LRRTM3: variants seen among roughly 807,000 people sequenced by gnomAD.
The protein encoded by LRRTM3 is leucine rich repeat transmembrane neuronal 3.
Under a neutral mutation model 44.7 loss-of-function variants are expected in LRRTM3, and 24 were observed. The ratio of observed to expected loss-of-function variants is 0.54; its 90% CI spans 0.39 to 0.76. LRRTM3 has a LOEUF of 0.76. Ranked by LOEUF, LRRTM3 falls within the 30% of genes least tolerant of loss-of-function variation. The pLI is 0.00. For synonymous variants in LRRTM3, 277 were observed against 278.7 expected, an observed-to-expected ratio of 0.99 and a Z score of 0.06; for missense variants, 587 against 702.2, an observed-to-expected ratio of 0.84 and a Z score of 1.85.
At chr10:67,048,857 A>G (rs1470791324) in intron 2 of LRRTM3, among the ~76,000 whole-genome samples, 1 of 152,138 alleles carries the variant, frequency 6.6e-6, no homozygotes, top group African/African-American at 2.4e-5. Context: ...CACATGTTCT[A>G]AAGCTGTTCT....
At chr10:66,951,533 A>T (rs1203216603) in intron 2 of LRRTM3, among the ~76,000 whole-genome samples, 1 of 152,198 alleles carries the variant, frequency 6.6e-6, no homozygotes. Context: ...CATATTCCGG[A>T]TAGGGAAACT....
At chr10:67,004,395 A>G (rs1851855434) in intron 2 of LRRTM3, among the ~76,000 whole-genome samples, 1 of 152,246 alleles carries the variant, frequency 6.6e-6, no homozygotes, top group Non-Finnish European at 1.5e-5. Context: ...AGAGAAATGT[A>G]TCTTGCTTCC....
chr10:67,046,277 T>C (rs1403318206), intron 2 of LRRTM3, among the ~76,000 whole-genome samples: 2 of 152,208 alleles, frequency 1.3e-5, no homozygotes, highest in East Asian at 1.9e-4. Flanking sequence ...CTTATGTTTA[T>C]ACAATTCTTA....
At chr10:67,082,023 G>A (rs575613376) in intron 2 of LRRTM3, among the ~76,000 whole-genome samples, 1 of 152,116 alleles carries the variant, frequency 6.6e-6, no homozygotes, top group Non-Finnish European at 1.5e-5. Flanking sequence ...TCACAAAATA[G>A]GAGTACCTAG....
intron 2 of LRRTM3, among the ~76,000 whole-genome samples, chr10:67,092,530 T>A (rs1018316735): frequency 6.6e-6 from 1 of 151,994 alleles, no homozygotes; most frequent in African/African-American, 2.4e-5. Flanking sequence ...TTCATATGAA[T>A]GTTCATATAT....
At chr10:66,975,386 T>C (rs907139384) in intron 2 of LRRTM3, among the ~76,000 whole-genome samples, 4 of 152,208 alleles carry the variant, frequency 2.6e-5, no homozygotes, top group African/African-American at 9.6e-5. Context: ...GTACTTGACT[T>C]AGTTATGATT....
intron 2 of LRRTM3, among the ~76,000 whole-genome samples, chr10:67,059,508 A>G (rs1855635376): frequency 6.6e-6 from 1 of 152,228 alleles, no homozygotes; most frequent in Non-Finnish European, 1.5e-5. Flanking sequence ...AAATTTAGCC[A>G]TAGAAAATTT....
At chr10:67,070,354 T>C (rs1260371071) in intron 2 of LRRTM3, among the ~76,000 whole-genome samples, 3 of 152,160 alleles carry the variant, frequency 2.0e-5, no homozygotes, top group Non-Finnish European at 4.4e-5. Context: ...TGACTGTCTT[T>C]TCATTCTCTT....
At position 66,955,222 on chromosome 10, in the gene LRRTM3, C is replaced by G. The variant is rs192575902; in HGVS notation, c.1536+26770C>G. Reference sequence around the variant, plus strand: ...ATTCTGACTCAGGTACAATATAAGACAGGAAAATGGATGTTATATACATAG... The same window carrying G: ...ATTCTGACTCAGGTACAATATAAGAGAGGAAAATGGATGTTATATACATAG... On this transcript the variant is annotated intron_variant, in intron 2 of 2. Coordinates refer to ENST00000361320, the MANE Select transcript of LRRTM3 (RefSeq NM_178011.5). Among the ~76,000 whole-genome samples the G allele has an allele frequency of 1.3e-4, 19 of 151,804 alleles. No individual in the cohort carries two copies. In the East Asian group the frequency reaches 2.9e-3, roughly 23 times the overall value.
chr10:67,074,403 T>C (rs550828084), intron 2 of LRRTM3, among the ~76,000 whole-genome samples: 1 of 131,978 alleles, frequency 7.6e-6, no homozygotes, highest in African/African-American at 3.0e-5. Context: ...CAGGCTGAAG[T>C]GCAGTGGCAC....
chr10:66,928,651 T>C (rs1457280993), intron 2 of LRRTM3, among the ~76,000 whole-genome samples, 199 bp downstream of exon 2: 1 of 152,118 alleles, frequency 6.6e-6, no homozygotes, highest in Non-Finnish European at 1.5e-5. Context: ...AATCAACCCA[T>C]TGAAATTTAA....
At chr10:67,060,012 G>A (rs554847423) in intron 2 of LRRTM3, among the ~76,000 whole-genome samples, 1 of 152,054 alleles carries the variant, frequency 6.6e-6, no homozygotes, top group Admixed American at 6.5e-5. Context: ...GGTGAGGCAC[G>A]ATGATAAAAA....
intron 2 of LRRTM3, among the ~76,000 whole-genome samples, chr10:66,983,179 G>T (rs762318326): frequency 3.3e-5 from 5 of 152,160 alleles, no homozygotes; most frequent in Non-Finnish European, 7.3e-5. Flanking sequence ...AAACACTGCA[G>T]TGTCTACAGC....
Position 66,930,964 on chromosome 10 carries a change from A to C in LRRTM3, c.1536+2512A>C, listed in dbSNP as rs562325835. Among the ~76,000 whole-genome samples, 4 of 152,278 alleles carry C rather than the reference A, an allele frequency of 2.6e-5. No homozygotes were observed. In the East Asian group the frequency reaches 7.7e-4, roughly 29 times the overall value. On this transcript the variant is annotated intron_variant, in intron 2 of 2. Coordinates refer to ENST00000361320, the MANE Select transcript of LRRTM3 (RefSeq NM_178011.5). ...CTGAGCACAGATATATAATTCTTGT[A>C]GATTTAATAACTAGTTTACCACTGT...
intron 2 of LRRTM3, among the ~76,000 whole-genome samples, chr10:67,045,922 A>G (rs1405858511): frequency 6.6e-6 from 1 of 152,230 alleles, no homozygotes; most frequent in Non-Finnish European, 1.5e-5. Flanking sequence ...AAAAATGCAC[A>G]AGAACTTCTC....
At chr10:67,013,612 ACTT>A (rs1467717025) in intron 2 of LRRTM3, among the ~76,000 whole-genome samples, 1 of 152,174 alleles carries the variant, frequency 6.6e-6, no homozygotes, top group African/African-American at 2.4e-5. Flanking sequence ...AGTACAGATT[ACTT>A]CCTTTTCTTG....
chr10:67,088,300 T>G (rs562141295), intron 2 of LRRTM3, among the ~76,000 whole-genome samples: 1 of 151,788 alleles, frequency 6.6e-6, no homozygotes, highest in Non-Finnish European at 1.5e-5. Flanking sequence ...AATGAGTGAA[T>G]AAATTAACGA....
At chr10:67,087,880 T>C (rs1589720793) in intron 2 of LRRTM3, among the ~76,000 whole-genome samples, 2 of 152,190 alleles carry the variant, frequency 1.3e-5, no homozygotes, top group East Asian at 1.9e-4. Flanking sequence ...AATACACATA[T>C]AGTGCTTAAT....
chr10:66,957,830 T>G (rs548100603), intron 2 of LRRTM3, among the ~76,000 whole-genome samples: 1 of 152,166 alleles, frequency 6.6e-6, no homozygotes, highest in African/African-American at 2.4e-5. Context: ...TTGCAGCCAC[T>G]ACTAAGCTAG....
Sources: allele counts gnomAD v4.1 joint callset (sites outside exome capture counted in the v4.1 genomes callset), GRCh38; gene constraint gnomAD v4.1.1; transcripts MANE v1.5; gene names NCBI Gene and HGNC (gene_info 2026-07-23, HGNC 2026-07-21).